Variants in CEP85L observed in about 807,000 individuals in gnomAD.
CEP85L encodes the protein centrosomal protein of 85 kDa-like.
CEP85L carries 60 observed loss-of-function variants against 100.3 expected under a neutral mutation model. The ratio of observed to expected loss-of-function variants is 0.60; its 90% CI spans 0.49 to 0.74. CEP85L has a LOEUF of 0.74. CEP85L is among the 30% of genes least tolerant of loss of function. CEP85L has a pLI of 0.00. For synonymous variants in CEP85L, 319 were observed against 322.7 expected (o/e 0.99, Z 0.12); for missense variants, 973 against 936.2 (o/e 1.04, Z -0.51).
intron 1 of CEP85L, among the ~76,000 whole-genome samples, chr6:118,644,644 A>G (rs571111303): frequency 6.6e-6 from 1 of 152,230 alleles, no homozygotes; most frequent in African/African-American, 2.4e-5. Context: ...TATCGATTAT[A>G]ATCACAGAAG....
intron 1 of CEP85L, among the ~76,000 whole-genome samples, chr6:118,686,024 C>T (rs975507653): frequency 3.3e-5 from 5 of 152,078 alleles, no homozygotes; most frequent in African/African-American, 9.7e-5. Flanking sequence ...GAAAGGAACT[C>T]GATTCATTCC....
chr6:118,488,251 C>T (rs1774322570), intron 6 of CEP85L, among the ~76,000 whole-genome samples: 1 of 151,798 alleles, frequency 6.6e-6, no homozygotes, highest in Admixed American at 6.6e-5. Flanking sequence ...ACATGATTTG[C>T]CTGAAAGAGA....
rs1296055153 is a variant in CEP85L at position 118,480,389 on chromosome 6, T to TA, written c.1863+6dup. On this transcript the variant is annotated splice_region_variant and intron_variant, in intron 9 of 12. Coordinates refer to ENST00000368491, the MANE Select transcript of CEP85L (RefSeq NM_001042475.3). ...TTTCACGTTTATGATCTAAGGTATC[T>TA]ACTGACCTTACTAGCAGTCTCATTT... is the stretch of plus-strand genomic sequence containing the variant. 1 of 1,516,224 alleles carries TA rather than the reference T, an allele frequency of 6.6e-7. No individual in the cohort carries two copies. The highest frequency in any genetic ancestry group is 2.3e-5 in the East Asian group (1 of 44,318). The allele number at this position is 1,516,224 out of a possible 1,614,324, so 93.9% of individuals were successfully genotyped here. A position where few individuals can be genotyped will look rare whatever the true frequency, so the allele number is the denominator to read the frequency against.
chr6:118,472,366 C>A (rs895586653), intron 10 of CEP85L, among the ~76,000 whole-genome samples: 2 of 152,052 alleles, frequency 1.3e-5, no homozygotes, highest in African/African-American at 4.8e-5. Context: ...AGTTGAAGGG[C>A]AGTTATCAAG....
intron 2 of CEP85L, among the ~76,000 whole-genome samples, chr6:118,573,657 G>C (rs1289751831): frequency 6.6e-6 from 1 of 152,118 alleles, no homozygotes; most frequent in African/African-American, 2.4e-5. Flanking sequence ...TTTACCAGTA[G>C]AGAATAAAGA....
intron 1 of CEP85L, among the ~76,000 whole-genome samples, chr6:118,645,350 T>A (rs1330480133): frequency 6.6e-6 from 1 of 152,172 alleles, no homozygotes; most frequent in African/African-American, 2.4e-5. Context: ...TCTCACTATC[T>A]GTTTACTTAC....
At chr6:118,671,458 A>T (rs1027458063) in intron 1 of CEP85L, among the ~76,000 whole-genome samples, 6 of 148,622 alleles carry the variant, frequency 4.0e-5, no homozygotes, top group Admixed American at 1.3e-4. Context: ...TACTGTTAAT[A>T]AAAAAAATTA....
At chr6:118,505,769 CTAGGG>C (rs1316699593) in intron 5 of CEP85L, among the ~76,000 whole-genome samples, 21 of 152,124 alleles carry the variant, frequency 1.4e-4, no homozygotes, top group African/African-American at 4.8e-4. Flanking sequence ...CAGAAAATTT[CTAGGG>C]CAGTGAAACT....
chr6:118,492,518 G>A (rs1774643031), intron 5 of CEP85L, among the ~76,000 whole-genome samples: 1 of 152,088 alleles, frequency 6.6e-6, no homozygotes, highest in Non-Finnish European at 1.5e-5. Context: ...TTCTTTTCAA[G>A]GGGAAGATAT....
intron 8 of CEP85L, among the ~76,000 whole-genome samples, chr6:118,481,016 A>G (rs1255907273): frequency 6.6e-6 from 1 of 150,988 alleles, no homozygotes; most frequent in Non-Finnish European, 1.5e-5. Flanking sequence ...TTTTTTTTTA[A>G]CTTTTATTTT....
chr6:118,531,788 G>T (rs1777308097), intron 3 of CEP85L, among the ~76,000 whole-genome samples: 1 of 152,192 alleles, frequency 6.6e-6, no homozygotes, highest in East Asian at 1.9e-4. Flanking sequence ...TTAGAGAAAT[G>T]CAAATCAAAA....
intron 4 of CEP85L, among the ~76,000 whole-genome samples, chr6:118,514,997 G>A (rs2114735798): frequency 6.6e-6 from 1 of 151,366 alleles, no homozygotes; most frequent in East Asian, 1.9e-4. Flanking sequence ...ATTTTGTGAA[G>A]GTGAAATCTC....
intron 3 of CEP85L, chr6:118,559,165 TAACAG>T: frequency 1.0e-6 from 1 of 972,222 alleles, no homozygotes; most frequent in Non-Finnish European, 1.7e-6. Flanking sequence ...CAATATTGTA[TAACAG>T]ACCACTTCCT....
chr6:118,651,142 G>T, intron 1 of CEP85L, 55 bp downstream of exon 1: 1 of 1,458,280 alleles, frequency 6.9e-7, no homozygotes, highest in Non-Finnish European at 9.0e-7. Flanking sequence ...AGGTCCCGAG[G>T]CGCCGCGGTC....
intron 4 of CEP85L, among the ~76,000 whole-genome samples, chr6:118,518,838 G>T (rs780759037): frequency 1.3e-5 from 2 of 152,150 alleles, no homozygotes; most frequent in African/African-American, 2.4e-5. Flanking sequence ...GTCAATTTTA[G>T]ATCTTTCCTG....
chr6:118,558,654 C>G lies in CEP85L; in HGVS notation c.1020+6875G>C, dbSNP rs79363640. Among the ~76,000 whole-genome samples, 1,142 of 131,172 alleles carry G rather than the reference C, an allele frequency of 8.7e-3. 11 individuals are homozygous for G. The highest frequency in any genetic ancestry group is 0.029 in the East Asian group (146 of 4,986). 86.1% of individuals were successfully genotyped at this position (131,172 alleles called of 152,430 possible). ...ACACACACACACACACACACACACACACACACAGAGAGAGAGAGAGAGAGA... is the reference window on the plus strand; with the variant it reads ...ACACACACACACACACACACACACAGACACACAGAGAGAGAGAGAGAGAGA... On this transcript the variant is annotated intron_variant, in intron 3 of 12. Transcript: ENST00000368491.
intron 3 of CEP85L, among the ~76,000 whole-genome samples, chr6:118,525,025 T>A (rs1776885494): frequency 6.6e-6 from 1 of 152,206 alleles, no homozygotes; most frequent in African/African-American, 2.4e-5. Context: ...GTCTGTTTCT[T>A]TTTTCCTTTT....
At chr6:118,529,399 A>T (rs1251312568) in intron 3 of CEP85L, among the ~76,000 whole-genome samples, 1 of 152,058 alleles carries the variant, frequency 6.6e-6, no homozygotes, top group Admixed American at 6.5e-5. Flanking sequence ...CAAGGTCAGG[A>T]GATCGAGACC....
chr6:118,494,288 A>G (rs1774780023), intron 5 of CEP85L, among the ~76,000 whole-genome samples: 1 of 152,208 alleles, frequency 6.6e-6, no homozygotes, highest in African/African-American at 2.4e-5. Flanking sequence ...CAAGATCTTC[A>G]GTGAGTATCA....
Sources: gnomAD v4.1 joint callset for allele counts (sites outside exome capture counted in the v4.1 genomes callset) on GRCh38, gnomAD v4.1.1 for gene constraint, MANE v1.5 for transcripts, NCBI Gene and HGNC (gene_info 2026-07-23, HGNC 2026-07-21) for gene names.